MTMR2: variants seen among roughly 807,000 people sequenced by gnomAD.
MTMR2 encodes the protein phosphatidylinositol-3,5-bisphosphate 3-phosphatase MTMR2.
In MTMR2, 55 loss-of-function variants were observed where a neutral mutation model predicts 86.9. That is an observed-to-expected ratio of 0.63 (90% confidence interval 0.51 to 0.79). The LOEUF is 0.79. MTMR2 is among the 30% of genes least tolerant of loss of function. The pLI is 0.00. For synonymous variants in MTMR2, 241 were observed against 266.8 expected, an observed-to-expected ratio of 0.90 and a Z score of 0.94; for missense variants, 659 against 772.3, an observed-to-expected ratio of 0.85 and a Z score of 1.74.
In MTMR2 at chr11:95,838,104, C is replaced by G. The variant is rs779201148; in HGVS notation, c.1583G>C (p.Arg528Thr). ...GTFLCNSEQQ[R>T]GKENLPKRTV... Reference sequence around the variant, plus strand: ...TGTTTCATATTTTACCTCTTTTCCTCTCTGTTGTTCACTATTACAGAGGAA... The same window carrying G: ...TGTTTCATATTTTACCTCTTTTCCTGTCTGTTGTTCACTATTACAGAGGAA... Residue 528 changes from arginine (R) to threonine (T), a missense_variant, in exon 13 of 15, where the codon AGA becomes ACA. By Grantham distance (71) the Arg-to-Thr change is moderately conservative. Transcript: ENST00000346299. The G allele has an allele frequency of 6.3e-7, 1 of 1,595,140 alleles. No homozygotes were observed. The highest frequency in any genetic ancestry group is 8.6e-7 in the Non-Finnish European group (1 of 1,163,146).
At chr11:95,849,601 T>C in intron 9 of MTMR2, 73 bp downstream of exon 9, 1 of 1,378,778 alleles carries the variant, frequency 7.3e-7, no homozygotes, top group Non-Finnish European at 1.0e-6. Context: ...GAGCTCTTTT[T>C]ACTACACTGT....
chr11:95,864,258 C>T (rs1269952883), intron 3 of MTMR2, among the ~76,000 whole-genome samples: 1 of 151,858 alleles, frequency 6.6e-6, no homozygotes, highest in Non-Finnish European at 1.5e-5. Flanking sequence ...TATGGTCAAC[C>T]GAAAAGAGTA....
At chr11:95,907,838 A>G (rs1185555503) in intron 1 of MTMR2, 1 of 431,868 alleles carries the variant, frequency 2.3e-6, no homozygotes, top group Admixed American at 2.7e-5. Flanking sequence ...AACCTTCCAC[A>G]AACTAGGCAT....
At position 95,835,260 on chromosome 11, in the gene MTMR2, T is replaced by C. The variant is rs766329068; in HGVS notation, c.*30A>G. 1.9e-6 allele frequency: 3 copies of C among 1,610,174 alleles called. No homozygotes were observed. The highest frequency in any genetic ancestry group is 1.7e-6 in the Non-Finnish European group (2 of 1,177,030). ...AGCTGCCAGTGTAATCAAGAGTGTATAGCAATGATGCCCCTGATCTTACAG... is the reference window on the plus strand; with the variant it reads ...AGCTGCCAGTGTAATCAAGAGTGTACAGCAATGATGCCCCTGATCTTACAG... On this transcript the variant is annotated 3_prime_UTR_variant, in exon 15 of 15. Transcript: ENST00000346299.
chr11:95,919,742 T>C (rs1161947464), intron 1 of MTMR2, among the ~76,000 whole-genome samples: 2 of 152,100 alleles, frequency 1.3e-5, no homozygotes, highest in Non-Finnish European at 2.9e-5. Flanking sequence ...TCAGGCCAAA[T>C]TCAACAGAAG....
intron 11 of MTMR2, among the ~76,000 whole-genome samples, 182 bp from the exon 12 acceptor site, chr11:95,841,891 T>C (rs1291827613): frequency 6.6e-6 from 1 of 152,136 alleles, no homozygotes; most frequent in African/African-American, 2.4e-5. Context: ...GAGCCAGGAA[T>C]TCGAGATGGG....
chr11:95,914,441 ATACTT>A, intron 1 of MTMR2: 1 of 799,204 alleles, frequency 1.3e-6, no homozygotes, highest in Non-Finnish European at 1.5e-6. Context: ...TACTTGCTTC[ATACTT>A]TACATGATCT....
At chr11:95,908,643 G>A (rs1034245944) in intron 1 of MTMR2, among the ~76,000 whole-genome samples, 2 of 151,982 alleles carry the variant, frequency 1.3e-5, no homozygotes, top group Non-Finnish European at 2.9e-5. Context: ...AAAAACAACA[G>A]ACACACAGAC....
chr11:95,862,454 G>T, intron 3 of MTMR2, 88 bp from the exon 4 acceptor site: 1 of 1,006,614 alleles, frequency 9.9e-7, no homozygotes, highest in Non-Finnish European at 1.5e-6. Flanking sequence ...ATGATTCCTA[G>T]ACTAATTTAT....
intron 6 of MTMR2, 38 bp downstream of exon 6, chr11:95,858,493 T>C: frequency 7.2e-7 from 1 of 1,395,618 alleles, no homozygotes; most frequent in Non-Finnish European, 1.0e-6. Flanking sequence ...ACATCAATAA[T>C]TATAGCACAA....
At chr11:95,878,013 G>A (rs1024590750) in intron 2 of MTMR2, among the ~76,000 whole-genome samples, 1 of 151,280 alleles carries the variant, frequency 6.6e-6, no homozygotes, top group Non-Finnish European at 1.5e-5. Context: ...TAAAATACAA[G>A]TTTTCATAAC....
At chr11:95,865,262 C>G (rs1033934930) in intron 3 of MTMR2, among the ~76,000 whole-genome samples, 2 of 152,114 alleles carry the variant, frequency 1.3e-5, no homozygotes, top group Non-Finnish European at 1.5e-5. Context: ...AACTCAATAT[C>G]TGAATATAGT....
chr11:95,836,332 C>T lies in MTMR2; in HGVS notation c.1594-8G>A. The T allele has an allele frequency of 1.2e-6, 2 of 1,611,448 alleles. No individual in the cohort carries two copies. Among genetic ancestry groups the T allele is most frequent in the Non-Finnish European group, 1.7e-6 (2 of 1,178,254 alleles). On this transcript the variant is annotated splice_region_variant and splice_polypyrimidine_tract_variant and intron_variant, in intron 13 of 14. Transcript: ENST00000346299. ...AGTCCTTTTAGGAAGATTCTGTAGGCAGGAAAAATAGGTAAAGATTCTCCA... is the reference window on the plus strand; with the variant it reads ...AGTCCTTTTAGGAAGATTCTGTAGGTAGGAAAAATAGGTAAAGATTCTCCA...
chr11:95,857,677 C>A, intron 6 of MTMR2, 42 bp from the exon 7 acceptor site: 1 of 1,319,454 alleles, frequency 7.6e-7, no homozygotes, highest in South Asian at 1.2e-5. Context: ...AAAAGATATT[C>A]ACAAAGGTAA....
chr11:95,877,784 A>G (rs1285265488), intron 2 of MTMR2, among the ~76,000 whole-genome samples: 1 of 152,026 alleles, frequency 6.6e-6, no homozygotes, highest in African/African-American at 2.4e-5. Context: ...AACCCTCATG[A>G]GCAGCTAGGA....
intron 1 of MTMR2, among the ~76,000 whole-genome samples, chr11:95,905,954 C>T (rs76300607): frequency 0.013 from 2,044 of 151,994 alleles, 49 homozygotes; most frequent in African/African-American, 0.047. Flanking sequence ...GGCCAGGCAT[C>T]GTGGTTCCGC....
intron 2 of MTMR2, among the ~76,000 whole-genome samples, chr11:95,884,086 C>T (rs1406260733): frequency 6.6e-6 from 1 of 152,168 alleles, no homozygotes; most frequent in Admixed American, 6.5e-5. Context: ...AAAAACACTA[C>T]ACCAAACCCT....
chr11:95,886,721 G>A (rs1371635248), intron 2 of MTMR2, among the ~76,000 whole-genome samples: 1 of 152,122 alleles, frequency 6.6e-6, no homozygotes. Context: ...GAGGTTAGTT[G>A]TTATTTAATG....
chr11:95,873,893 A>G (rs1230910705), intron 2 of MTMR2, among the ~76,000 whole-genome samples: 1 of 152,126 alleles, frequency 6.6e-6, no homozygotes, highest in African/African-American at 2.4e-5. Flanking sequence ...GTTTCCATGT[A>G]GTTGAGTGGT....
Sources: allele counts gnomAD v4.1 joint callset (sites outside exome capture counted in the v4.1 genomes callset), GRCh38; gene constraint gnomAD v4.1.1; transcripts MANE v1.5; gene names NCBI Gene and HGNC (gene_info 2026-07-23, HGNC 2026-07-21).